Variants in RAD51B observed in about 807,000 individuals in gnomAD.
RAD51B encodes the protein DNA repair protein RAD51 homolog 2.
In RAD51B, 38 loss-of-function variants were observed where a neutral mutation model predicts 42.2. The ratio of observed to expected loss-of-function variants is 0.90; its 90% CI spans 0.70 to 1.18. The LOEUF is 1.18. RAD51B is among the 50% of genes most tolerant of loss of function. The pLI is 0.00. For missense variants in RAD51B, 373 were observed against 400.7 expected (o/e 0.93, Z 0.59); for synonymous variants, 154 against 145.2 (o/e 1.06, Z -0.43).
chr14:68,530,095 T>G (rs570583360), intron 10 of RAD51B, among the ~76,000 whole-genome samples: 2 of 152,252 alleles, frequency 1.3e-5, no homozygotes, highest in South Asian at 4.2e-4. Flanking sequence ...GCTCCAATTT[T>G]TATACATACA....
chr14:68,475,438 G>A (rs1179716129), intron 10 of RAD51B, among the ~76,000 whole-genome samples: 1 of 152,172 alleles, frequency 6.6e-6, no homozygotes, highest in Non-Finnish European at 1.5e-5. Context: ...TTTGGTTCCA[G>A]ACTCTAAAGT....
At chr14:67,874,654 TCTG>T (rs1460806164) in intron 5 of RAD51B, among the ~76,000 whole-genome samples, 1 of 152,144 alleles carries the variant, frequency 6.6e-6, no homozygotes, top group East Asian at 1.9e-4. Context: ...CCAGAGAAGA[TCTG>T]CTGTTTTTTT....
intron 7 of RAD51B, among the ~76,000 whole-genome samples, chr14:68,082,493 TTATG>T (rs140657460): frequency 6.0e-5 from 9 of 151,252 alleles, no homozygotes; most frequent in African/African-American, 7.3e-5. Flanking sequence ...ATATATGTAT[TTATG>T]TATGTATGTA....
At chr14:68,173,085 C>T (rs2078902648) in intron 7 of RAD51B, among the ~76,000 whole-genome samples, 1 of 152,104 alleles carries the variant, frequency 6.6e-6, no homozygotes. Context: ...TTAAATTTTA[C>T]AGGTGAAGAA....
intron 7 of RAD51B, among the ~76,000 whole-genome samples, chr14:67,974,762 A>T (rs1249574656): frequency 6.6e-6 from 1 of 152,110 alleles, no homozygotes; most frequent in Non-Finnish European, 1.5e-5. Context: ...TTCCCTACTC[A>T]TTCTCTTTTT....
chr14:68,215,232 C>T (rs950209201), intron 7 of RAD51B, among the ~76,000 whole-genome samples: 3 of 152,166 alleles, frequency 2.0e-5, no homozygotes, highest in Non-Finnish European at 2.9e-5. Context: ...ACACCAATGG[C>T]GTCTACTCTC....
downstream of RAD51B, among the ~76,000 whole-genome samples, chr14:68,600,551 C>T (rs1255801907): frequency 6.6e-6 from 1 of 152,120 alleles, no homozygotes; most frequent in African/African-American, 2.4e-5. Flanking sequence ...TTTAGGTTAA[C>T]GGTCCCTACA....
At chr14:68,297,170 G>A (rs1314982051) in intron 8 of RAD51B, among the ~76,000 whole-genome samples, 1 of 152,198 alleles carries the variant, frequency 6.6e-6, no homozygotes, top group Non-Finnish European at 1.5e-5. Context: ...AGCTCAGAAT[G>A]GTTGGGACAA....
At chr14:67,989,448 C>T (rs1286079502) in intron 7 of RAD51B, among the ~76,000 whole-genome samples, 2 of 151,752 alleles carry the variant, frequency 1.3e-5, no homozygotes, top group East Asian at 3.9e-4. Context: ...ACCAGCTGAC[C>T]AACATGGAGA....
At chr14:68,450,496 G>A (rs187637553) in intron 9 of RAD51B, among the ~76,000 whole-genome samples, 25 of 152,230 alleles carry the variant, frequency 1.6e-4, no homozygotes, top group African/African-American at 5.3e-4. Flanking sequence ...TGGGATTATA[G>A]GCGTGAACCA....
chr14:68,281,714 C>G (rs1234336598), intron 7 of RAD51B, among the ~76,000 whole-genome samples: 1 of 152,154 alleles, frequency 6.6e-6, no homozygotes, highest in Non-Finnish European at 1.5e-5. Flanking sequence ...ATATGAGAGG[C>G]GACAAATAGC....
intron 7 of RAD51B, among the ~76,000 whole-genome samples, chr14:67,997,451 A>T (rs977849829): frequency 2.0e-5 from 3 of 152,174 alleles, no homozygotes; most frequent in African/African-American, 7.2e-5. Flanking sequence ...GCCTTAGTTT[A>T]GGTCTTAGTC....
At chr14:67,821,926 A>G (rs1031564035) in intron 1 of RAD51B, among the ~76,000 whole-genome samples, 1 of 152,054 alleles carries the variant, frequency 6.6e-6, no homozygotes, top group Non-Finnish European at 1.5e-5. Context: ...ACAAATTCCC[A>G]TGGAGAGAAA....
At chr14:67,833,995 A>T (rs769651249) in intron 3 of RAD51B, among the ~76,000 whole-genome samples, 1 of 152,216 alleles carries the variant, frequency 6.6e-6, no homozygotes, top group Non-Finnish European at 1.5e-5. Context: ...CAGTTCTAAT[A>T]CAAATCACAC....
chr14:68,391,752 T>A (rs1397722741), intron 8 of RAD51B, among the ~76,000 whole-genome samples: 4 of 152,212 alleles, frequency 2.6e-5, no homozygotes, highest in Non-Finnish European at 4.4e-5. Context: ...AGCAAACTTG[T>A]TGACTCAGTT....
At chr14:68,073,164 C>T (rs1040572678) in intron 7 of RAD51B, among the ~76,000 whole-genome samples, 3 of 152,110 alleles carry the variant, frequency 2.0e-5, no homozygotes, top group Non-Finnish European at 2.9e-5. Context: ...TATGTCTTTT[C>T]GTAAGTCTCT....
intron 10 of RAD51B, among the ~76,000 whole-genome samples, chr14:68,641,652 G>C (rs1403242971): frequency 6.6e-6 from 1 of 151,394 alleles, no homozygotes. Context: ...TTTTTATCAT[G>C]AATGGGTGTT....
intron 4 of RAD51B, among the ~76,000 whole-genome samples, chr14:67,861,398 A>G (rs1165097377): frequency 1.3e-5 from 2 of 151,686 alleles, no homozygotes; most frequent in South Asian, 4.2e-4. Context: ...CAGCACTTTG[A>G]GAGGCTGAGG....
At chr14:68,019,328 A>G (rs1399920242) in intron 7 of RAD51B, among the ~76,000 whole-genome samples, 2 of 152,216 alleles carry the variant, frequency 1.3e-5, no homozygotes, top group African/African-American at 2.4e-5. Flanking sequence ...AATTCAAACA[A>G]GAAGGTCAAT....
Sources: gnomAD v4.1 joint callset for allele counts (sites outside exome capture counted in the v4.1 genomes callset) on GRCh38, gnomAD v4.1.1 for gene constraint, MANE v1.5 for transcripts, NCBI Gene and HGNC (gene_info 2026-07-23, HGNC 2026-07-21) for gene names.